The following CACNA1H variants were observed in gnomAD, a reference collection of about 807,000 sequenced individuals.
CACNA1H encodes the protein voltage-dependent T-type calcium channel subunit alpha-1H.
In CACNA1H, 149 loss-of-function variants were observed where a neutral mutation model predicts 192.5. The ratio of observed to expected loss-of-function variants is 0.77; its 90% CI spans 0.68 to 0.89. The LOEUF (loss-of-function observed/expected upper bound fraction) is 0.89. Ranked by LOEUF, CACNA1H falls within the 40% of genes least tolerant of loss-of-function variation. The probability of loss-of-function intolerance (pLI) is 0.00; values close to 1 mark genes in which losing one functional copy is unlikely to be tolerated. For missense variants in CACNA1H, 4,257 were observed against 3,423.5 expected (o/e 1.24, Z -6.08); for synonymous variants, 2,202 against 1,475.2 (o/e 1.49, Z -11.29).
intron 2 of CACNA1H, among the ~76,000 whole-genome samples, chr16:1,163,373 C>T (rs1034893711): frequency 3.3e-5 from 5 of 152,224 alleles, no homozygotes; most frequent in Non-Finnish European, 5.9e-5. Context: ...CATGGCACCT[C>T]GTGCTCCCGG....
intron 31 of CACNA1H, 105 bp from the exon 32 acceptor site, chr16:1,217,814 C>T (rs1276230657): frequency 2.1e-6 from 3 of 1,399,010 alleles, no homozygotes; most frequent in South Asian, 1.4e-5. Flanking sequence ...ATCCTCCGGG[C>T]TATCCTGCCT....
At chr16:1,198,548 G>A in intron 5 of CACNA1H, 67 bp from the exon 6 acceptor site, 1 of 1,567,230 alleles carries the variant, frequency 6.4e-7, no homozygotes, top group Non-Finnish European at 8.7e-7. Context: ...GGTCCCGGGA[G>A]GGGCTGCAGC....
chr16:1,195,513 T>C lies in CACNA1H; in HGVS notation c.493T>C (p.Cys165Arg), dbSNP rs749032674. Residue 165 changes from cysteine to arginine, a missense_variant, in exon 4 of 35, where the codon TGT (cysteine) becomes CGT (arginine). Coordinates refer to ENST00000348261, the MANE Select transcript of CACNA1H (RefSeq NM_021098.3). ...MVALGLFGQKCYLGDTWNRLD... is the reference protein window; with the variant it reads ...MVALGLFGQKRYLGDTWNRLD... ...GGCCTTGGGGCTGTTCGGGCAGAAG[T>C]GTTACCTGGGTGACACGTGGAACAG... is the stretch of plus-strand genomic sequence containing the variant. 5.0e-6 allele frequency: 8 copies of C among 1,603,078 alleles called. No homozygotes were observed. Among genetic ancestry groups the C allele is most frequent in the Non-Finnish European group, 6.0e-6 (7 of 1,175,148 alleles).
Position 1,220,548 on chromosome 16 carries a change from C to T in CACNA1H, c.6616C>T (p.Pro2206Ser), listed in dbSNP as rs766882403. 6.5e-6 allele frequency: 10 copies of T among 1,531,218 alleles called. No homozygotes were observed. Among genetic ancestry groups the T allele is most frequent in the African/African-American group, 1.4e-5 (1 of 71,866 alleles). The allele number at this position is 1,531,218 out of a possible 1,614,324, so 94.9% of individuals were successfully genotyped here. ...TGCGGAGGACGAGGGCTCTGCGCGG[C>T]CCTCCGCGGCAGAGGGCGGCAGCAC... ...PPAEDEGSAR[P>S]SAAEGGSTTL... The change falls in exon 35 of 35, where the codon CCC (proline) becomes TCC (serine). Residue 2206 changes from proline (P) to serine (S), a missense_variant. Physicochemically the swap from Pro to Ser is moderately conservative, Grantham distance 74 (BLOSUM62 -1). Transcript: ENST00000348261.
At chr16:1,175,858 C>T (rs1964831111) in intron 2 of CACNA1H, among the ~76,000 whole-genome samples, 2 of 152,176 alleles carry the variant, frequency 1.3e-5, no homozygotes, top group African/African-American at 2.4e-5. Context: ...GCCAGTGGCC[C>T]CTGCCCGTCT....
Position 1,218,499 on chromosome 16 carries a change from C to G in CACNA1H, c.5735C>G (p.Pro1912Arg). Reference protein sequence around the residue: ...PQESPGARDAPNLVARKVSVS... With the variant: ...PQESPGARDARNLVARKVSVS... ...GAGAGTCCGGGCGCCAGGGACGCCC[C>G]AAACCTGGTTGCACGCAAGGTGTCC... Residue 1912 changes from proline (P) to arginine (R), a missense_variant, in exon 33 of 35, where the codon CCA becomes CGA. Physicochemically the swap from Pro to Arg is moderately radical, Grantham distance 103. Coordinates refer to ENST00000348261, the MANE Select transcript of CACNA1H (RefSeq NM_021098.3). 1 of 1,552,882 alleles carries G rather than the reference C, an allele frequency of 6.4e-7. No homozygotes were observed. The highest frequency in any genetic ancestry group is 1.2e-5 in the South Asian group (1 of 84,238).
rs1961824183 is a variant in CACNA1H at position 1,153,345 on chromosome 16, GGCCGGGGCCGGGGCCGGGGGCGGAGGC to G, written c.-141_-115del. On this transcript the variant is annotated 5_prime_UTR_variant, in exon 1 of 35. Transcript: ENST00000348261. ...GCGGGCCGGGGGCGGAGGCGCTGGG[GGCCGGGGCCGGGGCCGGGGGCGGAGGC>G]GCTGGGGGCCGGGGCCGGGGCCGGG... is the stretch of plus-strand genomic sequence containing the variant. 1.0e-5 allele frequency: 1 copy of G among 100,342 alleles called. No individual in the cohort carries two copies. Among genetic ancestry groups the G allele is most frequent in the Non-Finnish European group, 2.4e-5 (1 of 40,866 alleles). 6.2% of individuals were successfully genotyped at this position (100,342 alleles called of 1,614,324 possible).
intron 14 of CACNA1H, 24 bp downstream of exon 14, chr16:1,207,454 G>C (rs1181265206): frequency 1.2e-6 from 2 of 1,608,828 alleles, no homozygotes; most frequent in Non-Finnish European, 1.7e-6. Context: ...GAGAGGGGCT[G>C]CCAGGAGGAG....
rs1270361787 is a variant in CACNA1H at position 1,153,777 on chromosome 16, C to T, written c.40C>T (p.Pro14Ser). ...ACGGGCCGCCGACGAGGTCCGGGTG[C>T]CCCTGGGCGCGCCGCCCCCTGGCCC... ...GARAADEVRV[P>S]LGAPPPGPAA... The change falls in exon 2 of 35, where the codon CCC (proline) becomes TCC (serine). Residue 14 changes from proline to serine, a missense_variant. Coordinates refer to ENST00000348261, the MANE Select transcript of CACNA1H (RefSeq NM_021098.3). The T allele has an allele frequency of 3.3e-6, 4 of 1,225,580 alleles. No individual in the cohort carries two copies. Among genetic ancestry groups the T allele is most frequent in the Non-Finnish European group, 4.1e-6 (4 of 983,852 alleles). 75.9% of individuals were successfully genotyped at this position (1,225,580 alleles called of 1,614,324 possible). A position where few individuals can be genotyped will look rare whatever the true frequency, so the allele number is the denominator to read the frequency against.
intron 2 of CACNA1H, among the ~76,000 whole-genome samples, chr16:1,187,233 G>A (rs533376615): frequency 1.4e-4 from 21 of 152,372 alleles, no homozygotes; most frequent in Non-Finnish European, 2.8e-4. Flanking sequence ...GCCGCGTGGG[G>A]CCGTGGGCAG....
chr16:1,213,532 C>G (rs566613658), intron 26 of CACNA1H, among the ~76,000 whole-genome samples: 1 of 152,056 alleles, frequency 6.6e-6, no homozygotes. Flanking sequence ...CAGCCCAGGC[C>G]TCCTGGCCTA....
rs2753324 is a variant in CACNA1H, at chr16:1,216,676, G to A, written c.5245-256G>A. Among the ~76,000 whole-genome samples, 14,090 of 152,310 alleles carry A rather than the reference G, an allele frequency of 0.093. 891 individuals carry two copies. Among genetic ancestry groups the A allele is most frequent in the South Asian group, 0.23 (1,121 of 4,830 alleles). On this transcript the variant is annotated intron_variant, in intron 30 of 34. Coordinates refer to ENST00000348261, the MANE Select transcript of CACNA1H (RefSeq NM_021098.3). ...CTCAGGGGCAGGGCAGAGGAAGAGAGAAGCCAGTGCGGGCCAGCACAGAGG... is the reference window on the plus strand; with the variant it reads ...CTCAGGGGCAGGGCAGAGGAAGAGAAAAGCCAGTGCGGGCCAGCACAGAGG...
At chr16:1,200,933 A>C in intron 8 of CACNA1H, 125 bp downstream of exon 8, 1 of 334,280 alleles carries the variant, frequency 3.0e-6, no homozygotes, top group Non-Finnish European at 5.6e-6. Context: ...CACACAGGGG[A>C]GGGAGGCAGA....
intron 2 of CACNA1H, among the ~76,000 whole-genome samples, chr16:1,193,447 C>T (rs868680331): frequency 3.3e-5 from 5 of 152,252 alleles, no homozygotes; most frequent in Admixed American, 1.3e-4. Flanking sequence ...ACCCCCACCT[C>T]GTCCAGCAAG....
At chr16:1,206,520 C>T (rs1968732457) in intron 12 of CACNA1H, 1 of 554,800 alleles carries the variant, frequency 1.8e-6, no homozygotes, top group Non-Finnish European at 3.2e-6. Context: ...AGATGGGCCG[C>T]CAGGTGGACA....
At chr16:1,194,945 G>C (rs565748657) in intron 2 of CACNA1H, 27 bp from the exon 3 acceptor site, 2 of 1,553,666 alleles carry the variant, frequency 1.3e-6, no homozygotes, top group South Asian at 1.1e-5. Context: ...GGGCCGCGCC[G>C]GTGTGCTCCT....
chr16:1,204,014 G>A lies in CACNA1H; in HGVS notation c.2007G>A (p.Leu669=). 6.5e-7 allele frequency: 1 copy of A among 1,546,478 alleles called. No individual in the cohort carries two copies. The highest frequency in any genetic ancestry group is 1.2e-5 in the South Asian group (1 of 84,552). ...KIPHVVGEHG[L]GQAPGHLSGL... ...TGTCTGTGCCCTCTCCCGCAGGACT[G>A]GGCCAGGCCCCTGGCCATCTGTCGG... The change falls in exon 10 of 35, where the codon CTG becomes CTA. Residue 669 remains leucine (L), a synonymous_variant. Transcript: ENST00000348261.
intron 9 of CACNA1H, among the ~76,000 whole-genome samples, chr16:1,203,715 G>C (rs553910812): frequency 5.3e-5 from 8 of 152,222 alleles, no homozygotes; most frequent in Admixed American, 3.3e-4. Flanking sequence ...CCGGCTTGTC[G>C]ACACGTCCCT....
At chr16:1,207,224 C>T (rs1404554566) in intron 13 of CACNA1H, 51 bp from the exon 14 acceptor site, 2 of 1,562,382 alleles carry the variant, frequency 1.3e-6, no homozygotes, top group African/African-American at 1.4e-5. Context: ...CAAGGACTTG[C>T]CGGCATTTCG....
Sources: gnomAD v4.1 joint callset for allele counts (sites outside exome capture counted in the v4.1 genomes callset) on GRCh38, gnomAD v4.1.1 for gene constraint, MANE v1.5 for transcripts, NCBI Gene and HGNC (gene_info 2026-07-23, HGNC 2026-07-21) for gene names.